The following RAB8B variants were observed in gnomAD, a reference collection of about 807,000 sequenced individuals.
RAB8B encodes ras-related protein Rab-8B.
Under a neutral mutation model 32.0 loss-of-function variants are expected in RAB8B, and 11 were observed. The observed-to-expected ratio is 0.34, with a 90% CI of 0.22 to 0.57. The LOEUF is 0.57. RAB8B is among the 20% of genes least tolerant of loss of function. The pLI is 0.86. For synonymous variants in RAB8B, 103 were observed against 89.6 expected (o/e 1.15, Z -0.85); for missense variants, 190 against 258.5 (o/e 0.73, Z 1.82).
At chr15:63,262,991 A>G (rs1296124856) in intron 7 of RAB8B, among the ~76,000 whole-genome samples, 1 of 152,206 alleles carries the variant, frequency 6.6e-6, no homozygotes, top group Admixed American at 6.5e-5. Context: ...AATGAAAATA[A>G]TAATGGCACA....
At chr15:63,225,598 G>C (rs1407202985) in intron 1 of RAB8B, among the ~76,000 whole-genome samples, 1 of 152,094 alleles carries the variant, frequency 6.6e-6, no homozygotes, top group East Asian at 1.9e-4. Context: ...GTTAGTTCCT[G>C]CTCCTGAAGA....
Position 63,231,900 on chromosome 15 carries a change from C to T in RAB8B, c.125-12856C>T, listed in dbSNP as rs921351621. Among the ~76,000 whole-genome samples the T allele has an allele frequency of 1.2e-4, 19 of 152,306 alleles. 1 individual carries two copies. The East Asian group carries it at 3.7e-3, about 29-fold the overall frequency. ...TCTAAAATCCACATTTTGACATCTT[C>T]GAGCTTATTGCTACTTCTAGATTGA... On this transcript the variant is annotated intron_variant, in intron 1 of 7. Coordinates refer to ENST00000321437, the MANE Select transcript of RAB8B (RefSeq NM_016530.3).
At position 63,267,061 on chromosome 15, in the gene RAB8B, G is replaced by A. The variant is rs1228068835; in HGVS notation, c.*3442G>A. 2 of 152,344 alleles carry A rather than the reference G, an allele frequency of 1.3e-5. No homozygotes were observed. Among genetic ancestry groups the A allele is most frequent in the African/African-American group, 4.8e-5 (2 of 41,340 alleles). The allele number at this position is 152,344 out of a possible 1,614,324, so 9.4% of individuals were successfully genotyped here. A position where few individuals can be genotyped will look rare whatever the true frequency, so the allele number is the denominator to read the frequency against. ...CCTTTTTCCTTGTTACATCCAAGGG[G>A]GGCACAGGGGTGGGTGGAAAGGAAT... On this transcript the variant is annotated 3_prime_UTR_variant, in exon 8 of 8. Coordinates refer to ENST00000321437, the MANE Select transcript of RAB8B (RefSeq NM_016530.3).
intron 1 of RAB8B, among the ~76,000 whole-genome samples, chr15:63,213,465 G>C (rs921034511): frequency 6.6e-6 from 1 of 152,160 alleles, no homozygotes; most frequent in Non-Finnish European, 1.5e-5. Context: ...TTTAGTTACT[G>C]TACTTATGCC....
chr15:63,208,689 TC>T (rs2037719867), intron 1 of RAB8B, among the ~76,000 whole-genome samples: 1 of 152,174 alleles, frequency 6.6e-6, no homozygotes, highest in African/African-American at 2.4e-5. Context: ...CATCTGTCTT[TC>T]CTGATGTTCC....
chr15:63,203,549 C>A (rs777893961), intron 1 of RAB8B, among the ~76,000 whole-genome samples: 1 of 152,218 alleles, frequency 6.6e-6, no homozygotes, highest in Non-Finnish European at 1.5e-5. Context: ...TAGGTCCAGA[C>A]AGCTGTAAGA....
intron 1 of RAB8B, among the ~76,000 whole-genome samples, chr15:63,221,112 G>C (rs2037840753): frequency 6.6e-6 from 1 of 152,158 alleles, no homozygotes; most frequent in Admixed American, 6.5e-5. Context: ...AGATGGAAAG[G>C]ATGGAGAATG....
At chr15:63,217,329 G>T (rs150296061) in intron 1 of RAB8B, among the ~76,000 whole-genome samples, 4 of 152,220 alleles carry the variant, frequency 2.6e-5, no homozygotes, top group Non-Finnish European at 4.4e-5. Flanking sequence ...TAAAAATATT[G>T]AATGGAATAT....
intron 1 of RAB8B, among the ~76,000 whole-genome samples, chr15:63,195,238 A>T (rs888019329): frequency 3.9e-5 from 6 of 152,256 alleles, no homozygotes; most frequent in Admixed American, 6.5e-5. Flanking sequence ...AATAGCATTG[A>T]TAACGACTCT....
chr15:63,206,970 C>G (rs903280581), intron 1 of RAB8B, among the ~76,000 whole-genome samples: 3 of 152,128 alleles, frequency 2.0e-5, no homozygotes, highest in Non-Finnish European at 4.4e-5. Flanking sequence ...TGTTTATTAT[C>G]TGCTCCTTGA....
intron 1 of RAB8B, among the ~76,000 whole-genome samples, chr15:63,196,524 G>A (rs780872781): frequency 6.6e-6 from 1 of 152,178 alleles, no homozygotes; most frequent in Non-Finnish European, 1.5e-5. Flanking sequence ...CTACCTTTCA[G>A]AGTTGCTGTG....
intron 1 of RAB8B, among the ~76,000 whole-genome samples, chr15:63,222,337 T>G (rs2037851357): frequency 6.6e-6 from 1 of 152,080 alleles, no homozygotes; most frequent in Non-Finnish European, 1.5e-5. Flanking sequence ...GGCTTAGGGG[T>G]GGTAGTGGCT....
At chr15:63,238,649 A>G (rs2038004764) in intron 1 of RAB8B, among the ~76,000 whole-genome samples, 1 of 152,194 alleles carries the variant, frequency 6.6e-6, no homozygotes, top group Admixed American at 6.5e-5. Context: ...TGAGTATTAT[A>G]TAGAGGATAT....
chr15:63,252,471 C>T (rs1473071625), intron 3 of RAB8B, among the ~76,000 whole-genome samples: 6 of 152,132 alleles, frequency 3.9e-5, no homozygotes, highest in East Asian at 3.8e-4. Context: ...CTCTAGCCTG[C>T]GTTCTTAACA....
At chr15:63,241,703 T>G (rs1171097879) in intron 1 of RAB8B, among the ~76,000 whole-genome samples, 1 of 152,174 alleles carries the variant, frequency 6.6e-6, no homozygotes, top group East Asian at 1.9e-4. Context: ...AAAATGTTAA[T>G]CTGAAGAAAC....
intron 3 of RAB8B, among the ~76,000 whole-genome samples, chr15:63,252,915 A>T (rs2038128927): frequency 6.6e-6 from 1 of 152,018 alleles, no homozygotes; most frequent in Non-Finnish European, 1.5e-5. Context: ...TGCTCAGCTA[A>T]TTTTGTATTT....
rs973244710 is a variant in RAB8B at position 63,248,045 on chromosome 15, G to A, written c.186-1600G>A. ...TCCTTGGGTTTCTCAGAGAAATATG[G>A]TTAGTCTGCTAAAAAGTGCTTGCCT... On this transcript the variant is annotated intron_variant, in intron 2 of 7. Transcript: ENST00000321437. The surrounding 1 kb of genome is among the most constrained non-coding windows in gnomAD (Gnocchi z 4.4). Among the ~76,000 whole-genome samples the A allele has an allele frequency of 1.3e-5, 2 of 152,226 alleles. No individual in the cohort carries two copies. The highest frequency in any genetic ancestry group is 4.8e-5 in the African/African-American group (2 of 41,446).
intron 1 of RAB8B, among the ~76,000 whole-genome samples, chr15:63,204,890 G>C (rs1021077746): frequency 1.3e-5 from 2 of 152,182 alleles, no homozygotes; most frequent in East Asian, 3.8e-4. Context: ...GGGTGCAGTG[G>C]CACATGCCTA....
intron 3 of RAB8B, among the ~76,000 whole-genome samples, chr15:63,253,377 G>A (rs540688908): frequency 1.6e-4 from 24 of 152,078 alleles, no homozygotes; most frequent in Non-Finnish European, 3.4e-4. Context: ...TTACAAAGTT[G>A]GAAGCCAGAC....
Sources: gnomAD v4.1 joint callset for allele counts (sites outside exome capture counted in the v4.1 genomes callset) on GRCh38, gnomAD v4.1.1 for gene constraint, Gnocchi (gnomAD v3.1) non-coding constraint, MANE v1.5 for transcripts, NCBI Gene and HGNC (gene_info 2026-07-23, HGNC 2026-07-21) for gene names.